The following MTA3 variants were observed in gnomAD, a reference collection of about 807,000 sequenced individuals.
MTA3 encodes the protein metastasis associated 1 family member 3, also known as metastasis-associated protein MTA3.
MTA3 carries 34 observed loss-of-function variants against 83.5 expected under a neutral mutation model. The observed-to-expected ratio is 0.41, with a 90% CI of 0.31 to 0.54. MTA3 has a LOEUF of 0.54. Among genes scored for constraint, MTA3 ranks in the 20% least tolerant of loss-of-function variants. The pLI, the probability that MTA3 is intolerant of heterozygous loss-of-function variation, is 0.33. For missense variants in MTA3, 761 were observed against 726.4 expected, an observed-to-expected ratio of 1.05 and a Z score of -0.55; for synonymous variants, 303 against 252.7, an observed-to-expected ratio of 1.20 and a Z score of -1.89.
chr2:42,683,932 T>A lies in MTA3; in HGVS notation c.891+1343T>A, dbSNP rs557946134. ...TATGTATATTTTTTATTATTAAAAATTTTTTTTTCCTCAGCTTTACTGAGG... is the reference window on the plus strand; with the variant it reads ...TATGTATATTTTTTATTATTAAAAAATTTTTTTTCCTCAGCTTTACTGAGG... On this transcript the variant is annotated intron_variant, in intron 9 of 16. Coordinates refer to ENST00000405094, the MANE Select transcript of MTA3 (RefSeq NM_001330442.2). Among the ~76,000 whole-genome samples the A allele has an allele frequency of 5.6e-4, 84 of 151,198 alleles. 1 individual carries two copies. Among genetic ancestry groups the A allele is most frequent in the Admixed American group, 1.2e-3 (19 of 15,220 alleles).
intron 2 of MTA3, among the ~76,000 whole-genome samples, chr2:42,543,321 G>A (rs559677243): frequency 6.6e-6 from 1 of 151,786 alleles, no homozygotes; most frequent in Non-Finnish European, 1.5e-5. Flanking sequence ...GGGATTACAG[G>A]TGCACACCAC....
At chr2:42,659,381 A>G (rs1689463660) in intron 7 of MTA3, 5 of 152,406 alleles carry the variant, frequency 3.3e-5, no homozygotes. Context: ...ATTTGGGCTT[A>G]AAAAGTAGTC....
chr2:42,573,899 A>G (rs1353516250), intron 2 of MTA3, among the ~76,000 whole-genome samples: 1 of 151,562 alleles, frequency 6.6e-6, no homozygotes, highest in Non-Finnish European at 1.5e-5. Context: ...GCTCACTGCA[A>G]GCTCCGCCTC....
chr2:42,578,158 C>T (rs1679250488), intron 2 of MTA3, among the ~76,000 whole-genome samples: 1 of 152,078 alleles, frequency 6.6e-6, no homozygotes, highest in African/African-American at 2.4e-5. Flanking sequence ...TCTGTAAGAC[C>T]AGAGAAATTT....
chr2:42,531,498 G>A (rs1391029876), intron 2 of MTA3, among the ~76,000 whole-genome samples: 1 of 128,848 alleles, frequency 7.8e-6, no homozygotes, highest in Non-Finnish European at 1.6e-5. Context: ...TATCGCCCAG[G>A]CTAGAGTGCA....
intron 9 of MTA3, among the ~76,000 whole-genome samples, chr2:42,695,111 G>C (rs1038583156): frequency 1.3e-5 from 2 of 152,096 alleles, no homozygotes; most frequent in African/African-American, 4.8e-5. Flanking sequence ...ACTGCAGCCT[G>C]GGTGACCCTG....
intron 6 of MTA3, among the ~76,000 whole-genome samples, chr2:42,650,974 G>A (rs183074279): frequency 4.5e-4 from 69 of 152,196 alleles, no homozygotes; most frequent in Admixed American, 2.2e-3. Context: ...ATCATAGAGC[G>A]TAATTCCACA....
At chr2:42,640,150 A>G (rs1198022989) in intron 4 of MTA3, 23 bp from the exon 5 acceptor site, 3 of 1,573,404 alleles carry the variant, frequency 1.9e-6, no homozygotes, top group South Asian at 1.2e-5. Context: ...TGTTACATTT[A>G]TTCTTTTTTT....
intron 5 of MTA3, among the ~76,000 whole-genome samples, chr2:42,641,972 C>G (rs79466140): frequency 0.021 from 3,139 of 152,114 alleles, 103 homozygotes; most frequent in African/African-American, 0.07. Context: ...CAGACTTTAC[C>G]ATGACACAAT....
Position 42,729,353 on chromosome 2 carries a change from G to A in MTA3, c.1759+6318G>A, listed in dbSNP as rs578239722. ...CCTGACCTTGTGATCCACCTGCCTC[G>A]GTCTCCCAAAGTGCTGGGATTACAG... On this transcript the variant is annotated intron_variant, in intron 16 of 16. Coordinates refer to ENST00000405094, the MANE Select transcript of MTA3 (RefSeq NM_001330442.2). Among the ~76,000 whole-genome samples the A allele has an allele frequency of 4.6e-5, 7 of 151,908 alleles. No individual in the cohort carries two copies. In the East Asian group the frequency reaches 9.7e-4, roughly 21 times the overall value.
chr2:42,754,636 C>G lies in MTA3; in HGVS notation c.*1237C>G. On this transcript the variant is annotated 3_prime_UTR_variant, in exon 17 of 17. Coordinates refer to ENST00000405094, the MANE Select transcript of MTA3 (RefSeq NM_001330442.2). The stretch of plus-strand genomic sequence containing the variant: ...CTCCCCTGCCCTCTGTTTGCAGGCA[C>G]AGGGTCACAGTCCCAAGAAAGACAA... 1 of 985,464 alleles carries G rather than the reference C, an allele frequency of 1.0e-6. No homozygotes were observed. Among genetic ancestry groups the G allele is most frequent in the Non-Finnish European group, 1.2e-6 (1 of 829,968 alleles). The allele number at this position is 985,464 out of a possible 1,614,324, so 61.0% of individuals were successfully genotyped here.
intron 12 of MTA3, 86 bp from the exon 13 acceptor site, chr2:42,707,817 G>A (rs929332831): frequency 2.3e-6 from 3 of 1,321,818 alleles, no homozygotes; most frequent in East Asian, 4.8e-5. Context: ...AGCATGACAA[G>A]TATTTTTAAA....
chr2:42,506,615 CTTA>C (rs869027492), intron 2 of MTA3, among the ~76,000 whole-genome samples: 6 of 129,120 alleles, frequency 4.6e-5, no homozygotes, highest in South Asian at 2.8e-4. Flanking sequence ...AGATAATTTA[CTTA>C]TTATTATTAT....
chr2:42,649,901 G>C (rs1688550837), intron 6 of MTA3, among the ~76,000 whole-genome samples: 1 of 152,218 alleles, frequency 6.6e-6, no homozygotes, highest in Admixed American at 6.5e-5. Context: ...GGAGATAAAA[G>C]ATCAGCGGAC....
At chr2:42,505,850 C>A (rs1456336223) in intron 2 of MTA3, among the ~76,000 whole-genome samples, 1 of 150,842 alleles carries the variant, frequency 6.6e-6, no homozygotes, top group Non-Finnish European at 1.5e-5. Context: ...CTCACTGCAG[C>A]CTCCATCTCC....
At chr2:42,717,773 T>C (rs966038331) in intron 14 of MTA3, among the ~76,000 whole-genome samples, 2 of 152,174 alleles carry the variant, frequency 1.3e-5, no homozygotes, top group Admixed American at 1.3e-4. Context: ...AGCCTAACAA[T>C]TGAGTTTTGC....
upstream of MTA3, chr2:42,494,431 G>A (rs556584363): frequency 2.9e-4 from 44 of 152,446 alleles, no homozygotes; most frequent in Non-Finnish European, 5.7e-4. Flanking sequence ...CCCAGCTCGG[G>A]TTCTGACATC....
chr2:42,570,606 TC>T, intron 2 of MTA3, 102 bp downstream of exon 2: 1 of 591,152 alleles, frequency 1.7e-6, no homozygotes, highest in Non-Finnish European at 2.7e-6. Context: ...ATGCCTGCAA[TC>T]CCAGTAAATT....
chr2:42,573,136 G>C (rs1413602974), intron 2 of MTA3, among the ~76,000 whole-genome samples: 3 of 152,164 alleles, frequency 2.0e-5, no homozygotes, highest in East Asian at 3.9e-4. Flanking sequence ...TTTTCCTCCA[G>C]ACTTCTCTGA....
Sources: gnomAD v4.1 joint callset for allele counts (sites outside exome capture counted in the v4.1 genomes callset) on GRCh38, gnomAD v4.1.1 for gene constraint, MANE v1.5 for transcripts, NCBI Gene and HGNC (gene_info 2026-07-23, HGNC 2026-07-21) for gene names.